Variants in TIPIN observed in about 807,000 individuals in gnomAD.
The protein encoded by TIPIN is TIMELESS interacting protein.
TIPIN carries 29 observed loss-of-function variants against 35.6 expected under a neutral mutation model. The observed-to-expected ratio is 0.82, with a 90% CI of 0.61 to 1.11. The LOEUF (loss-of-function observed/expected upper bound fraction) is 1.11, where lower values mean the gene tolerates loss of function less well. Among genes scored for constraint, TIPIN ranks in the 50% most tolerant of loss-of-function variants. The probability of loss-of-function intolerance (pLI) is 0.00; values close to 1 mark genes in which losing one functional copy is unlikely to be tolerated. For missense variants in TIPIN, 296 were observed against 345.4 expected (o/e 0.86, Z 1.13); for synonymous variants, 102 against 121.5 (o/e 0.84, Z 1.06).
At chr15:66,368,113 T>G (rs962218846) in intron 1 of TIPIN, among the ~76,000 whole-genome samples, 2 of 152,168 alleles carry the variant, frequency 1.3e-5, no homozygotes, top group Non-Finnish European at 2.9e-5. Flanking sequence ...ATTGCAGGCG[T>G]GAGACCCTAC....
Position 66,336,987 on chromosome 15 carries a change from T to G in TIPIN, c.877A>C (p.Thr293Pro). 6.2e-7 allele frequency: 1 copy of G among 1,612,858 alleles called. No homozygotes were observed. The highest frequency in any genetic ancestry group is 8.5e-7 in the Non-Finnish European group (1 of 1,179,064). Residue 293 changes from threonine to proline, a missense_variant, in exon 8 of 8, where the codon ACA becomes CCA. Physicochemically the swap from Thr to Pro is conservative, Grantham distance 38 (BLOSUM62 -1). Coordinates refer to ENST00000261881, the MANE Select transcript of TIPIN (RefSeq NM_017858.3). ...CTAGCTTCAGTAATATTTCTGGATG[T>G]AGCATCAAGTTGCTGTTGCACATTT... ...FKNVQQQLDA[T>P]SRNITEAR is the part of the protein sequence containing the mutation.
In TIPIN at chr15:66,346,257, C is replaced by CTT. The variant is rs536484516; in HGVS notation, c.475+2801_475+2802dup. 5.5e-3 allele frequency among the ~76,000 whole-genome samples: 725 copies of CTT among 131,058 alleles called. 7 individuals carry two copies. The highest frequency in any genetic ancestry group is 0.013 in the African/African-American group (465 of 35,408). The allele number at this position is 131,058 out of a possible 152,430, so 86.0% of individuals were successfully genotyped here. A position where few individuals can be genotyped will look rare whatever the true frequency, so the allele number is the denominator to read the frequency against. ...GCCACTGCGCCTGGCCTTAATTTAT[C>CTT]TTTTTTTTTTTTTTTTTTTACTGCC... is the stretch of plus-strand genomic sequence containing the variant. On this transcript the variant is annotated intron_variant, in intron 6 of 7. Transcript: ENST00000261881.
At chr15:66,347,875 C>T (rs1409111883) in intron 6 of TIPIN, among the ~76,000 whole-genome samples, 5 of 152,142 alleles carry the variant, frequency 3.3e-5, no homozygotes, top group East Asian at 1.9e-4. Flanking sequence ...TGAGCCACCA[C>T]GCCCAGCCCA....
Position 66,362,918 on chromosome 15 carries a change from C to T in TIPIN, c.-8-9963G>A, listed in dbSNP as rs2093237738. Among the ~76,000 whole-genome samples, 4 of 152,098 alleles carry T rather than the reference C, an allele frequency of 2.6e-5. No individual in the cohort carries two copies. The South Asian group carries it at 6.2e-4, about 24-fold the overall frequency. ...GGTCTGCTGTGTATTTGAGGGACTC[C>T]ATCTCAGGATTCTGACATATACTTG... On this transcript the variant is annotated intron_variant, in intron 1 of 7. Transcript: ENST00000562124.
chr15:66,368,789 T>G (rs886516395), intron 1 of TIPIN, among the ~76,000 whole-genome samples: 4 of 152,124 alleles, frequency 2.6e-5, no homozygotes. Context: ...GACGTTTAAT[T>G]AGAGATATTT....
At chr15:66,372,663 T>C (rs377446270) in intron 1 of TIPIN, among the ~76,000 whole-genome samples, 7 of 152,332 alleles carry the variant, frequency 4.6e-5, no homozygotes, top group Admixed American at 2.0e-4. Context: ...CCCAGCACTT[T>C]GGGATGCCAA....
At chr15:66,337,207 T>G in intron 7 of TIPIN, 26 bp from the exon 8 acceptor site, 1 of 1,587,248 alleles carries the variant, frequency 6.3e-7, no homozygotes, top group East Asian at 2.2e-5. Context: ...CCATTATTAT[T>G]CATTATAAGT....
At chr15:66,342,983 C>A (rs1199102326) in intron 6 of TIPIN, among the ~76,000 whole-genome samples, 1 of 152,154 alleles carries the variant, frequency 6.6e-6, no homozygotes, top group Admixed American at 6.6e-5. Flanking sequence ...TGTCCCTTGT[C>A]CTTATGACAG....
chr15:66,351,881 C>T (rs984234705), intron 3 of TIPIN, among the ~76,000 whole-genome samples: 1 of 152,002 alleles, frequency 6.6e-6, no homozygotes, highest in Non-Finnish European at 1.5e-5. Context: ...CCTCGTGATC[C>T]GCCCACGTAG....
chr15:66,356,842 C>T (rs2093207633), upstream of TIPIN: 1 of 483,276 alleles, frequency 2.1e-6, no homozygotes, highest in African/African-American at 2.1e-5. Context: ...CAATTTCCGC[C>T]CTACTGAATT....
At chr15:66,379,178 T>C in intron 1 of TIPIN, 2 of 1,013,126 alleles carry the variant, frequency 2.0e-6, no homozygotes, top group Non-Finnish European at 2.8e-6. Context: ...CATGAGCCAC[T>C]GTGCCTGGCC....
chr15:66,351,668 C>T (rs1218033958), intron 3 of TIPIN, 68 bp from the exon 4 acceptor site: 29 of 1,290,432 alleles, frequency 2.2e-5, no homozygotes, highest in South Asian at 1.2e-4. Context: ...GACGGAGTCT[C>T]ACTCTGTCGC....
At chr15:66,339,517 A>C (rs2093070494) in intron 7 of TIPIN, among the ~76,000 whole-genome samples, 1 of 152,174 alleles carries the variant, frequency 6.6e-6, no homozygotes, top group Non-Finnish European at 1.5e-5. Context: ...ATTCTTTCTA[A>C]ATATAGTTTT....
chr15:66,383,012 A>C lies in TIPIN; in HGVS notation c.-9+3595T>G, dbSNP rs1566989477. 4.1e-6 allele frequency: 4 copies of C among 985,316 alleles called. No homozygotes were observed. In the East Asian group the frequency reaches 4.5e-4, roughly 112 times the overall value. 61.0% of individuals were successfully genotyped at this position (985,316 alleles called of 1,614,324 possible). A position where few individuals can be genotyped will look rare whatever the true frequency, so the allele number is the denominator to read the frequency against. Reference sequence around the variant, plus strand: ...TTCTGCAAACTTTAACCATTGGGGTAATTGTTTATCTGGGCTTCTTGGATC... The same window carrying C: ...TTCTGCAAACTTTAACCATTGGGGTCATTGTTTATCTGGGCTTCTTGGATC... On this transcript the variant is annotated intron_variant, in intron 1 of 7. Coordinates refer to the TIPIN transcript ENST00000562124.
chr15:66,353,032 T>C, intron 1 of TIPIN, 77 bp from the exon 2 acceptor site: 5 of 1,382,072 alleles, frequency 3.6e-6, no homozygotes, highest in South Asian at 1.6e-5. Context: ...CCTGCAGCCA[T>C]TTCATGTGTT....
At chr15:66,357,272 G>A (rs2093209981), upstream of TIPIN, among the ~76,000 whole-genome samples, 1 of 152,114 alleles carries the variant, frequency 6.6e-6, no homozygotes, top group Non-Finnish European at 1.5e-5. Context: ...CTGAGTTGTG[G>A]GAGGAGGAAA....
upstream of TIPIN, among the ~76,000 whole-genome samples, chr15:66,360,736 G>C (rs1037692160): frequency 6.6e-6 from 1 of 152,084 alleles, no homozygotes; most frequent in Non-Finnish European, 1.5e-5. Context: ...GGAGCCCAAG[G>C]TAGGCAGATC....
At chr15:66,344,959 G>T (rs776029838) in intron 6 of TIPIN, among the ~76,000 whole-genome samples, 28 of 152,178 alleles carry the variant, frequency 1.8e-4, no homozygotes, top group African/African-American at 2.9e-4. Context: ...AGTGATTATG[G>T]CAAAGAAGCT....
chr15:66,346,803 T>TC lies in TIPIN; in HGVS notation c.475+2256_475+2257insG, dbSNP rs1462187413. ...ACGGATTATTTAAATCACATTCCTT[T>TC]TTTTTTTTGAGACGGAGTCTTGCTG... On this transcript the variant is annotated intron_variant, in intron 6 of 7. Transcript: ENST00000261881. Among the ~76,000 whole-genome samples the TC allele has an allele frequency of 3.3e-5, 5 of 152,206 alleles. No homozygotes were observed. The East Asian group carries it at 9.6e-4, about 29-fold the overall frequency.
Sources: allele counts gnomAD v4.1 joint callset (sites outside exome capture counted in the v4.1 genomes callset), GRCh38; gene constraint gnomAD v4.1.1; transcripts MANE v1.5; gene names NCBI Gene and HGNC (gene_info 2026-07-23, HGNC 2026-07-21).